BBS9: variants seen among roughly 807,000 people sequenced by gnomAD.
BBS9 encodes the protein Bardet-Biedl syndrome 9.
In BBS9, 89 loss-of-function variants were observed where a neutral mutation model predicts 117.7. That is an observed-to-expected ratio of 0.76 (90% CI 0.64 to 0.90). BBS9 has a LOEUF of 0.90. BBS9 is among the 40% of genes least tolerant of loss of function. The probability of loss-of-function intolerance (pLI) is 0.00; values close to 1 mark genes in which losing one functional copy is unlikely to be tolerated. For synonymous variants in BBS9, 379 were observed against 370.9 expected (o/e 1.02, Z -0.25); for missense variants, 982 against 1,042.2 (o/e 0.94, Z 0.80).
intron 21 of BBS9, among the ~76,000 whole-genome samples, chr7:33,632,921 G>C (rs1293065790): frequency 1.3e-5 from 2 of 152,130 alleles, no homozygotes; most frequent in Non-Finnish European, 2.9e-5. Flanking sequence ...CTTCATTTTA[G>C]CCTTAAGGAA....
chr7:33,480,073 C>G (rs1164231400), intron 19 of BBS9, among the ~76,000 whole-genome samples: 1 of 152,058 alleles, frequency 6.6e-6, no homozygotes, highest in Non-Finnish European at 1.5e-5. Flanking sequence ...CTAAACTGAT[C>G]AGGAGGAATC....
At chr7:33,376,138 G>T (rs1384419082) in intron 17 of BBS9, among the ~76,000 whole-genome samples, 2 of 152,006 alleles carry the variant, frequency 1.3e-5, no homozygotes, top group Non-Finnish European at 2.9e-5. Flanking sequence ...CAGGTACTAA[G>T]TGTAGTACCT....
chr7:33,244,213 G>A (rs903308085), intron 5 of BBS9, among the ~76,000 whole-genome samples: 2 of 152,166 alleles, frequency 1.3e-5, no homozygotes, highest in Non-Finnish European at 2.9e-5. Context: ...CTGGGTGACA[G>A]AGTGAGACTC....
intron 21 of BBS9, among the ~76,000 whole-genome samples, chr7:33,598,397 G>T (rs1863236912): frequency 6.6e-6 from 1 of 152,102 alleles, no homozygotes; most frequent in Non-Finnish European, 1.5e-5. Flanking sequence ...ACCAAGAAGA[G>T]CCAAAGGAGA....
chr7:33,457,525 G>A (rs1303238141), intron 19 of BBS9, among the ~76,000 whole-genome samples: 4 of 152,066 alleles, frequency 2.6e-5, no homozygotes, highest in Non-Finnish European at 4.4e-5. Flanking sequence ...AAATGTCACC[G>A]TATTCATTTC....
rs538129192 is a variant in BBS9, at chr7:33,204,010, A to C, written c.442+26419A>C. Among the ~76,000 whole-genome samples the C allele has an allele frequency of 2.9e-3, 422 of 146,626 alleles. 1 individual carries two copies. The highest frequency in any genetic ancestry group is 9.8e-3 in the African/African-American group (396 of 40,530). ...AGTGCTGGGATTACAGTCGTGAGCC[A>C]CCACGCCCGGCCAGAACGAACACTA... On this transcript the variant is annotated intron_variant, in intron 5 of 22. Coordinates refer to ENST00000242067, the MANE Select transcript of BBS9 (RefSeq NM_198428.3).
chr7:33,282,501 A>T (rs1043370339), intron 9 of BBS9, among the ~76,000 whole-genome samples: 1 of 152,048 alleles, frequency 6.6e-6, no homozygotes, highest in South Asian at 2.1e-4. Flanking sequence ...CCTCCTGAGT[A>T]TGTGGGATTA....
chr7:33,633,877 AT>A (rs1366949679), intron 21 of BBS9, among the ~76,000 whole-genome samples: 1 of 152,134 alleles, frequency 6.6e-6, no homozygotes, highest in Non-Finnish European at 1.5e-5. Flanking sequence ...CTGTTTCCCT[AT>A]CCAGCCCTCT....
intron 21 of BBS9, among the ~76,000 whole-genome samples, chr7:33,548,900 T>A (rs1853884919): frequency 6.6e-6 from 1 of 150,842 alleles, no homozygotes; most frequent in African/African-American, 2.5e-5. Flanking sequence ...TACCAATGAC[T>A]TTCTTCACAG....
chr7:33,308,801 A>G (rs1808563754), intron 9 of BBS9, among the ~76,000 whole-genome samples: 1 of 152,190 alleles, frequency 6.6e-6, no homozygotes, highest in South Asian at 2.1e-4. Context: ...ATCCTGACGT[A>G]GCTTCTATGG....
intron 19 of BBS9, among the ~76,000 whole-genome samples, chr7:33,415,971 C>A (rs1287029883): frequency 6.6e-6 from 1 of 152,026 alleles, no homozygotes; most frequent in Non-Finnish European, 1.5e-5. Context: ...GTTGCTGGAA[C>A]AACAGGTGCA....
chr7:33,623,830 A>T (rs1035474123), intron 21 of BBS9, among the ~76,000 whole-genome samples: 1 of 152,210 alleles, frequency 6.6e-6, no homozygotes, highest in Non-Finnish European at 1.5e-5. Flanking sequence ...GTATATACCT[A>T]GATGGCAAAC....
At chr7:33,139,927 C>G (rs1367576914) in intron 1 of BBS9, among the ~76,000 whole-genome samples, 1 of 151,548 alleles carries the variant, frequency 6.6e-6, no homozygotes, top group African/African-American at 2.4e-5. Flanking sequence ...CTCCCTTTTT[C>G]TAGATACATT....
chr7:33,143,239 G>T (rs1562665834), intron 1 of BBS9, among the ~76,000 whole-genome samples: 4 of 152,160 alleles, frequency 2.6e-5, no homozygotes, highest in Admixed American at 2.6e-4. Context: ...AAAGTGCTGG[G>T]ATTACAGGCC....
chr7:33,340,727 G>C (rs1159449503), intron 10 of BBS9, among the ~76,000 whole-genome samples, 170 bp from the exon 11 acceptor site: 2 of 152,068 alleles, frequency 1.3e-5, no homozygotes, highest in African/African-American at 4.8e-5. Flanking sequence ...ATATTATAGA[G>C]GGAAAGAATT....
At chr7:33,259,315 G>C (rs974954118) in intron 6 of BBS9, among the ~76,000 whole-genome samples, 1 of 152,020 alleles carries the variant, frequency 6.6e-6, no homozygotes, top group Non-Finnish European at 1.5e-5. Context: ...ACCAGTGAAG[G>C]CTAGGGATCT....
At chr7:33,349,026 T>C (rs750959408) in intron 12 of BBS9, 42 bp from the exon 13 acceptor site, 9 of 1,352,330 alleles carry the variant, frequency 6.7e-6, no homozygotes, top group Admixed American at 1.7e-5. Flanking sequence ...TCAGTTTGAA[T>C]AAAATGTAAT....
chr7:33,198,620 A>G (rs994038028), intron 5 of BBS9, among the ~76,000 whole-genome samples: 1 of 151,998 alleles, frequency 6.6e-6, no homozygotes, highest in Non-Finnish European at 1.5e-5. Context: ...TTCATTATAT[A>G]TCTAGCCCGG....
At chr7:33,430,790 G>A (rs996591197) in intron 19 of BBS9, among the ~76,000 whole-genome samples, 1 of 152,176 alleles carries the variant, frequency 6.6e-6, no homozygotes, top group Non-Finnish European at 1.5e-5. Flanking sequence ...AATAGGGCAT[G>A]TCTGCCTCTC....
Sources: allele counts gnomAD v4.1 joint callset (sites outside exome capture counted in the v4.1 genomes callset), GRCh38; gene constraint gnomAD v4.1.1; transcripts MANE v1.5; gene names NCBI Gene and HGNC (gene_info 2026-07-23, HGNC 2026-07-21).